Variants in STXBP5 observed in about 807,000 individuals in gnomAD.
STXBP5 encodes the protein syntaxin binding protein 5.
STXBP5 carries 50 observed loss-of-function variants against 152.4 expected under a neutral mutation model. The ratio of observed to expected loss-of-function variants is 0.33; its 90% CI spans 0.26 to 0.42. The LOEUF is 0.42. Ranked by LOEUF, STXBP5 falls within the 10% of genes least tolerant of loss-of-function variation. STXBP5 has a pLI of 1.00. For synonymous variants in STXBP5, 492 were observed against 494.7 expected, an observed-to-expected ratio of 0.99 and a Z score of 0.07; for missense variants, 1,167 against 1,388.6, an observed-to-expected ratio of 0.84 and a Z score of 2.54.
At position 147,320,552 on chromosome 6, in the gene STXBP5, AGTGTGTGTGTGTGTGT is replaced by A. The variant is rs71552971; in HGVS notation, c.1802+4172_1802+4187del. On this transcript the variant is annotated intron_variant, in intron 16 of 27. Coordinates refer to ENST00000321680, the MANE Select transcript of STXBP5 (RefSeq NM_001127715.4). ...GTGGAGAAGCAGTCCTGCTAATTTG[AGTGTGTGTGTGTGTGT>A]GTGTGTGTGTGTGTGTGTGTGTGTG... Among the ~76,000 whole-genome samples, 8 of 85,032 alleles carry A rather than the reference AGTGTGTGTGTGTGTGT, an allele frequency of 9.4e-5. No individual in the cohort carries two copies. The East Asian group carries it at 1.2e-3, about 13-fold the overall frequency. The allele number at this position is 85,032 out of a possible 152,430, so 55.8% of individuals were successfully genotyped here.
At chr6:147,290,433 G>A (rs560977957) in intron 8 of STXBP5, among the ~76,000 whole-genome samples, 1 of 152,126 alleles carries the variant, frequency 6.6e-6, no homozygotes, top group South Asian at 2.1e-4. Context: ...ATTATAATGT[G>A]GACAGTGGTT....
chr6:147,292,491 G>C (rs1432527266), intron 9 of STXBP5: 1 of 204,492 alleles, frequency 4.9e-6, no homozygotes. Flanking sequence ...AGCAGTTTCT[G>C]GTATATAATA....
chr6:147,382,100 G>A (rs937707569), intron 26 of STXBP5, among the ~76,000 whole-genome samples: 1 of 152,138 alleles, frequency 6.6e-6, no homozygotes, highest in African/African-American at 2.4e-5. Flanking sequence ...CTTGAGATCA[G>A]CCTTTAAAGA....
intron 4 of STXBP5, among the ~76,000 whole-genome samples, chr6:147,258,236 A>G (rs1268851583): frequency 6.6e-6 from 1 of 152,216 alleles, no homozygotes; most frequent in Non-Finnish European, 1.5e-5. Flanking sequence ...TTTGTCTCAA[A>G]GCTGTTCAGT....
At chr6:147,384,173 T>G (rs894701645) in intron 27 of STXBP5, among the ~76,000 whole-genome samples, 5 of 152,138 alleles carry the variant, frequency 3.3e-5, no homozygotes, top group Non-Finnish European at 7.4e-5. Context: ...GGTTCTTGAA[T>G]TAGACTGCAT....
intron 4 of STXBP5, among the ~76,000 whole-genome samples, chr6:147,257,332 C>T (rs897126964): frequency 2.6e-5 from 4 of 151,678 alleles, no homozygotes; most frequent in Non-Finnish European, 4.4e-5. Flanking sequence ...TTTTCAGTCT[C>T]AATTTAATAT....
At chr6:147,287,111 G>A (rs1305672640) in intron 8 of STXBP5, among the ~76,000 whole-genome samples, 1 of 148,380 alleles carries the variant, frequency 6.7e-6, no homozygotes, top group Non-Finnish European at 1.5e-5. Flanking sequence ...GCACATCATA[G>A]AGAATGGGGT....
Position 147,329,617 on chromosome 6 carries a change from CTTTTTTTT to C in STXBP5, c.2080+2360_2080+2367del, listed in dbSNP as rs34913817. ...AAATATCATCAAATTGTTCTTCAGG[CTTTTTTTT>C]TTTTTTTTTTTTTTTTTTGAGACGG... On this transcript the variant is annotated intron_variant, in intron 18 of 27. Transcript: ENST00000321680. Among the ~76,000 whole-genome samples the C allele has an allele frequency of 8.4e-5, 6 of 71,708 alleles. No homozygotes were observed. The Admixed American group carries it at 1.0e-3, about 12-fold the overall frequency. The allele number at this position is 71,708 out of a possible 152,430, so 47.0% of individuals were successfully genotyped here.
intron 9 of STXBP5, among the ~76,000 whole-genome samples, chr6:147,308,748 A>G (rs1384883574): frequency 6.6e-6 from 1 of 152,204 alleles, no homozygotes; most frequent in African/African-American, 2.4e-5. Flanking sequence ...CTACATACCC[A>G]TATGATTACC....
At chr6:147,234,923 G>A (rs1421624270) in intron 2 of STXBP5, among the ~76,000 whole-genome samples, 1 of 151,864 alleles carries the variant, frequency 6.6e-6, no homozygotes, top group Non-Finnish European at 1.5e-5. Context: ...ACCACCTTTT[G>A]TCTTCTTTTT....
intron 4 of STXBP5, among the ~76,000 whole-genome samples, chr6:147,255,713 A>G (rs1353662011): frequency 2.6e-5 from 4 of 152,150 alleles, no homozygotes; most frequent in South Asian, 4.1e-4. Context: ...AGTTCTCACT[A>G]TATTGCCCCG....
intron 4 of STXBP5, among the ~76,000 whole-genome samples, chr6:147,255,123 A>G (rs983737283): frequency 6.6e-6 from 1 of 152,222 alleles, no homozygotes. Context: ...TACACCTGGA[A>G]TACCATGCAG....
intron 4 of STXBP5, among the ~76,000 whole-genome samples, chr6:147,251,680 G>A (rs1004593126): frequency 6.6e-6 from 1 of 152,204 alleles, no homozygotes; most frequent in Non-Finnish European, 1.5e-5. Context: ...AGACTTAAAC[G>A]TTCCTGCCTG....
At chr6:147,335,622 A>G (rs1343322313) in intron 19 of STXBP5, among the ~76,000 whole-genome samples, 2 of 152,164 alleles carry the variant, frequency 1.3e-5, no homozygotes, top group Non-Finnish European at 2.9e-5. Flanking sequence ...ATAAGTATAT[A>G]TTTAAATCTA....
chr6:147,267,200 C>A lies in STXBP5; in HGVS notation c.714+33C>A, dbSNP rs770302779. ...TATTTTTGCTAGTAAAAGCTATGGT[C>A]ATTTCTCTCATATAAAGCAGTTTCT... On this transcript the variant is annotated intron_variant, in intron 7 of 27. Coordinates refer to ENST00000321680, the MANE Select transcript of STXBP5 (RefSeq NM_001127715.4). The A allele has an allele frequency of 3.3e-6, 5 of 1,530,226 alleles. No homozygotes were observed. The South Asian group carries it at 3.7e-5, about 11-fold the overall frequency. 94.8% of individuals were successfully genotyped at this position (1,530,226 alleles called of 1,614,324 possible).
chr6:147,285,192 T>A (rs1395166937), intron 8 of STXBP5, among the ~76,000 whole-genome samples: 2 of 152,200 alleles, frequency 1.3e-5, no homozygotes, highest in East Asian at 3.9e-4. Flanking sequence ...ATCTTTTAAC[T>A]GACTGGTCAA....
At position 147,359,224 on chromosome 6, in the gene STXBP5, T is replaced by G. The variant is rs1784951683; in HGVS notation, c.2446T>G (p.Trp816Gly). ...KTDSSPSPCL[W>G]VGTTLGTVLV... ...GGACTCGTCCCCTTCCCCTTGTCTA[T>G]GGGTTGGAACAACGCTAGGAACAGT... Residue 816 changes from tryptophan (W) to glycine (G), a missense_variant, in exon 23 of 28, where the codon TGG becomes GGG. Trp to Gly is a radical substitution (Grantham distance 184). Coordinates refer to ENST00000321680, the MANE Select transcript of STXBP5 (RefSeq NM_001127715.4). The G allele has an allele frequency of 1.2e-6, 2 of 1,613,932 alleles. No individual in the cohort carries two copies. The highest frequency in any genetic ancestry group is 2.2e-5 in the South Asian group (2 of 91,090).
At chr6:147,213,432 ATATGTGTGTG>A (rs1242840836) in intron 2 of STXBP5, among the ~76,000 whole-genome samples, 6,650 of 121,054 alleles carry the variant, frequency 0.055, 220 homozygotes, top group East Asian at 0.095. Context: ...ATAATTTTAT[ATATGTGTGTG>A]TGTGTGTGTG....
At chr6:147,328,076 G>C (rs1783361506) in intron 18 of STXBP5, among the ~76,000 whole-genome samples, 1 of 152,170 alleles carries the variant, frequency 6.6e-6, no homozygotes, top group Non-Finnish European at 1.5e-5. Context: ...GTTCTTTTAT[G>C]TTTGCTAGGT....
Sources: allele counts gnomAD v4.1 joint callset (sites outside exome capture counted in the v4.1 genomes callset), GRCh38; gene constraint gnomAD v4.1.1; transcripts MANE v1.5; gene names NCBI Gene and HGNC (gene_info 2026-07-23, HGNC 2026-07-21).